The following IGFBP4 variants were observed in gnomAD, a reference collection of about 807,000 sequenced individuals.
IGFBP4 encodes insulin like growth factor binding protein 4, also known as insulin-like growth factor-binding protein 4.
In IGFBP4, 9 loss-of-function variants were observed where a neutral mutation model predicts 25.8. The observed-to-expected ratio is 0.35, with a 90% CI of 0.21 to 0.61. The LOEUF (loss-of-function observed/expected upper bound fraction) is 0.61, where lower values mean the gene tolerates loss of function less well. IGFBP4 is among the 20% of genes least tolerant of loss of function. The pLI, the probability that IGFBP4 is intolerant of heterozygous loss-of-function variation, is 0.77. For synonymous variants in IGFBP4, 153 were observed against 153.9 expected (o/e 0.99, Z 0.05); for missense variants, 315 against 365.3 (o/e 0.86, Z 1.12).
In IGFBP4 at chr17:40,453,863, A is replaced by T; in HGVS notation, c.508-65A>T. 7.7e-7 allele frequency: 1 copy of T among 1,300,154 alleles called. No individual in the cohort carries two copies. Among genetic ancestry groups the T allele is most frequent in the East Asian group, 2.4e-5 (1 of 40,928 alleles). The allele number at this position is 1,300,154 out of a possible 1,614,324, so 80.5% of individuals were successfully genotyped here. On this transcript the variant is annotated intron_variant, in intron 2 of 3. Coordinates refer to ENST00000269593, the MANE Select transcript of IGFBP4 (RefSeq NM_001552.3). The surrounding 1 kb of genome is among the most constrained non-coding windows in gnomAD (Gnocchi z 4.0). ...GGCCTTCAGTTCTCACTTAGCTCTG[A>T]CCCCAGGCCTGGGCCTCCTGCCTCT...
At chr17:40,451,659 G>A (rs988609814) in intron 1 of IGFBP4, among the ~76,000 whole-genome samples, 1 of 152,000 alleles carries the variant, frequency 6.6e-6, no homozygotes, top group Non-Finnish European at 1.5e-5. Flanking sequence ...CACTCAGGCC[G>A]GCAGCGAGCT....
intron 1 of IGFBP4, among the ~76,000 whole-genome samples, chr17:40,447,253 T>C (rs1393525301): frequency 6.6e-6 from 1 of 152,182 alleles, no homozygotes; most frequent in East Asian, 1.9e-4. Context: ...CAGCTTTCCA[T>C]GTGCTGGCCA....
intron 1 of IGFBP4, among the ~76,000 whole-genome samples, chr17:40,445,655 TG>T (rs1057138273): frequency 6.6e-6 from 1 of 151,924 alleles, no homozygotes; most frequent in African/African-American, 2.4e-5. Flanking sequence ...CCAGCATATC[TG>T]GGAAGGGGGG....
chr17:40,445,625 G>A (rs1038323682), intron 1 of IGFBP4, among the ~76,000 whole-genome samples: 1 of 152,222 alleles, frequency 6.6e-6, no homozygotes, highest in African/African-American at 2.4e-5. Context: ...AACATTCTAG[G>A]AGAAATGCCA....
intron 1 of IGFBP4, among the ~76,000 whole-genome samples, chr17:40,452,742 C>T (rs1248843717): frequency 1.3e-5 from 2 of 152,112 alleles, no homozygotes; most frequent in Non-Finnish European, 2.9e-5. Context: ...CATCTGAGCG[C>T]TGGCCTGAGT....
intron 1 of IGFBP4, among the ~76,000 whole-genome samples, chr17:40,450,606 T>C (rs566381974): frequency 2.6e-5 from 4 of 152,188 alleles, no homozygotes; most frequent in African/African-American, 9.6e-5. Context: ...GGCACAATCA[T>C]AGCTCACTGT....
Position 40,453,876 on chromosome 17 carries a change from G to A in IGFBP4, c.508-52G>A. The A allele has an allele frequency of 7.0e-7, 1 of 1,433,034 alleles. No homozygotes were observed. The highest frequency in any genetic ancestry group is 9.6e-7 in the Non-Finnish European group (1 of 1,040,554). The allele number at this position is 1,433,034 out of a possible 1,614,324, so 88.8% of individuals were successfully genotyped here. ...CACTTAGCTCTGACCCCAGGCCTGG[G>A]CCTCCTGCCTCTCTTCCTTCTGCTG... On this transcript the variant is annotated intron_variant, in intron 2 of 3. Coordinates refer to ENST00000269593, the MANE Select transcript of IGFBP4 (RefSeq NM_001552.3). This position sits in a 1 kb window ranked among gnomAD's most constrained non-coding sequence, Gnocchi z 4.0.
chr17:40,447,402 C>T (rs558568127), intron 1 of IGFBP4, among the ~76,000 whole-genome samples: 20 of 152,296 alleles, frequency 1.3e-4, no homozygotes, highest in South Asian at 4.1e-4. Flanking sequence ...AGCGTTTGGA[C>T]GGGGAGTTCC....
At chr17:40,452,956 G>A in intron 1 of IGFBP4, 29 bp from the exon 2 acceptor site, 1 of 1,464,572 alleles carries the variant, frequency 6.8e-7, no homozygotes, top group Non-Finnish European at 9.1e-7. Flanking sequence ...TTCCGGTGCT[G>A]ACCTCTCCTT....
chr17:40,448,990 C>T (rs1490579390), intron 1 of IGFBP4, among the ~76,000 whole-genome samples: 5 of 152,168 alleles, frequency 3.3e-5, no homozygotes, highest in Non-Finnish European at 7.3e-5. Context: ...TAGGCAAATA[C>T]GGATTTACCC....
At position 40,453,981 on chromosome 17, in the gene IGFBP4, T is replaced by C. The variant is rs201996482; in HGVS notation, c.561T>C (p.Ala187=). ...ELHRALERLA[A]SQSRTHEDLY... ...ACCGGGCGCTGGAGCGGCTGGCCGC[T>C]TCACAGAGCCGCACCCACGAGGACC... Residue 187 remains alanine, a synonymous_variant, in exon 3 of 4, where the codon GCT becomes GCC. Coordinates refer to ENST00000269593, the MANE Select transcript of IGFBP4 (RefSeq NM_001552.3). This position sits in a 1 kb window ranked among gnomAD's most constrained non-coding sequence, Gnocchi z 4.0. 1.5e-5 allele frequency: 25 copies of C among 1,612,960 alleles called. No individual in the cohort carries two copies. The highest frequency in any genetic ancestry group is 1.9e-5 in the Non-Finnish European group (23 of 1,179,614).
rs769638273 is a variant in IGFBP4 at position 40,443,963 on chromosome 17, G to C, written c.228G>C (p.Ser76=). 5.9e-6 allele frequency: 9 copies of C among 1,528,762 alleles called. No individual in the cohort carries two copies. The highest frequency in any genetic ancestry group is 7.0e-6 in the Non-Finnish European group (8 of 1,143,580). 94.7% of individuals were successfully genotyped at this position (1,528,762 alleles called of 1,614,324 possible). A position where few individuals can be genotyped will look rare whatever the true frequency, so the allele number is the denominator to read the frequency against. Residue 76 remains serine, a synonymous_variant, in exon 1 of 4, where the codon TCG becomes TCC. Transcript: ENST00000269593. ...PCGVYTPRCG[S]GLRCYPPRGV... ...GGGTGTACACCCCCCGTTGCGGCTC[G>C]GGCCTGCGCTGCTACCCGCCCCGAG...
chr17:40,453,953 T>C lies in IGFBP4; in HGVS notation c.533T>C (p.Leu178Pro), dbSNP rs1688724262. 1 of 1,611,164 alleles carries C rather than the reference T, an allele frequency of 6.2e-7. No individual in the cohort carries two copies. The highest frequency in any genetic ancestry group is 1.3e-5 in the African/African-American group (1 of 74,816). ...PVPQGSCQSE[L>P]HRALERLAAS... ...CCCCAGGGCTCCTGCCAGAGCGAGC[T>C]GCACCGGGCGCTGGAGCGGCTGGCC... is the stretch of plus-strand genomic sequence containing the variant. Residue 178 changes from leucine (L) to proline (P), a missense_variant, in exon 3 of 4, where the codon CTG becomes CCG. Transcript: ENST00000269593. This position sits in a 1 kb window ranked among gnomAD's most constrained non-coding sequence, Gnocchi z 4.0.
Position 40,443,756 on chromosome 17 carries a change from G to A in IGFBP4, c.21G>A (p.Val7=). 6.7e-7 allele frequency: 1 copy of A among 1,497,468 alleles called. No individual in the cohort carries two copies. The highest frequency in any genetic ancestry group is 8.8e-7 in the Non-Finnish European group (1 of 1,132,062). The allele number at this position is 1,497,468 out of a possible 1,614,324, so 92.8% of individuals were successfully genotyped here. A position where few individuals can be genotyped will look rare whatever the true frequency, so the allele number is the denominator to read the frequency against. ...CGGTCATGCTGCCCCTCTGCCTCGT[G>A]GCCGCCCTGCTGCTGGCCGCCGGGC... The part of the protein sequence containing the change: MLPLCL[V]AALLLAAGPG... The change falls in exon 1 of 4, where the codon GTG becomes GTA. Residue 7 remains valine, a synonymous_variant. Transcript: ENST00000269593.
In IGFBP4 at chr17:40,457,703, A is replaced by C. The variant is rs566982349; in HGVS notation, c.*1120A>C. 1 of 152,170 alleles carries C rather than the reference A, an allele frequency of 6.6e-6. No homozygotes were observed. The highest frequency in any genetic ancestry group is 6.5e-5 in the Admixed American group (1 of 15,276). 9.4% of individuals were successfully genotyped at this position (152,170 alleles called of 1,614,324 possible). ...TTCTTTTTCTTTTTTTTAACAAAAC[A>C]GAACAAAACCAAAAAATGTCCAGAT... On this transcript the variant is annotated 3_prime_UTR_variant, in exon 4 of 4. Transcript: ENST00000269593.
chr17:40,454,123 T>G, intron 3 of IGFBP4, 61 bp downstream of exon 3: 1 of 1,566,988 alleles, frequency 6.4e-7, no homozygotes, highest in Non-Finnish European at 8.7e-7. Flanking sequence ...TTCCGGCCTC[T>G]CCGCAGGATG....
At chr17:40,444,850 G>A (rs1017571598) in intron 1 of IGFBP4, among the ~76,000 whole-genome samples, 1 of 149,932 alleles carries the variant, frequency 6.7e-6, no homozygotes, top group Admixed American at 6.7e-5. Context: ...GGCGCCAGGG[G>A]AGAGAAACAG....
intron 1 of IGFBP4, among the ~76,000 whole-genome samples, chr17:40,446,050 A>G (rs1372042659): frequency 6.6e-6 from 1 of 151,696 alleles, no homozygotes; most frequent in African/African-American, 2.4e-5. Flanking sequence ...ACTGGCCTCC[A>G]GGAATATCTA....
At chr17:40,449,496 C>G (rs2035669837) in intron 1 of IGFBP4, among the ~76,000 whole-genome samples, 1 of 152,040 alleles carries the variant, frequency 6.6e-6, no homozygotes, top group Non-Finnish European at 1.5e-5. Context: ...TGCCTGTAAT[C>G]CCAGCACTTT....
Sources: gnomAD v4.1 joint callset for allele counts (sites outside exome capture counted in the v4.1 genomes callset) on GRCh38, gnomAD v4.1.1 for gene constraint, Gnocchi (gnomAD v3.1) non-coding constraint, MANE v1.5 for transcripts, NCBI Gene and HGNC (gene_info 2026-07-23, HGNC 2026-07-21) for gene names.